Variants in C1QTNF1 observed in about 807,000 individuals in gnomAD.
The protein encoded by C1QTNF1 is C1q and TNF related 1, also known as complement C1q tumor necrosis factor-related protein 1.
A neutral mutation model predicts 27.8 loss-of-function variants in C1QTNF1; 22 were observed. That is an observed-to-expected ratio of 0.79 (90% CI 0.56 to 1.13). The LOEUF (loss-of-function observed/expected upper bound fraction) is 1.13, where lower values mean the gene tolerates loss of function less well. Ranked by LOEUF, C1QTNF1 falls within the 50% of genes most tolerant of loss-of-function variation. C1QTNF1 has a pLI of 0.00. For missense variants in C1QTNF1, 373 were observed against 380.2 expected (o/e 0.98, Z 0.16); for synonymous variants, 166 against 154.3 (o/e 1.08, Z -0.56).
In C1QTNF1 at chr17:79,047,518, C is replaced by T. The variant is rs1368836199; in HGVS notation, c.296-20C>T. 7 of 1,518,178 alleles carry T rather than the reference C, an allele frequency of 4.6e-6. No individual in the cohort carries two copies. The highest frequency in any genetic ancestry group is 2.3e-5 in the Admixed American group (1 of 44,378). 94.0% of individuals were successfully genotyped at this position (1,518,178 alleles called of 1,614,324 possible). On this transcript the variant is annotated intron_variant, in intron 3 of 3. Transcript: ENST00000579760. Reference sequence around the variant, plus strand: ...ACCGGATTGCTCCATTAACAGCACGCGTTTTCCCATCCCTTTTAGGGGAGA... The same window carrying T: ...ACCGGATTGCTCCATTAACAGCACGTGTTTTCCCATCCCTTTTAGGGGAGA...
At chr17:79,041,829 A>G (rs1448792786) in intron 1 of C1QTNF1, 1 of 151,568 alleles carries the variant, frequency 6.6e-6, no homozygotes, top group African/African-American at 2.4e-5. Context: ...AAAGCCCCCG[A>G]GCGACGGTGT....
chr17:79,029,871 A>G (rs867486397), intron 1 of C1QTNF1, among the ~76,000 whole-genome samples: 2 of 152,248 alleles, frequency 1.3e-5, no homozygotes, highest in African/African-American at 4.8e-5. Flanking sequence ...CAGGGACTCT[A>G]CTGCCCAAGG....
chr17:79,024,923 C>T lies in C1QTNF1; in HGVS notation c.-15+429C>T, dbSNP rs75159176. ...GCTGCACCTGGCGGGGATGCCCTCACCCCACTCCTTATCACTGGGACCACC... is the reference window on the plus strand; with the variant it reads ...GCTGCACCTGGCGGGGATGCCCTCATCCCACTCCTTATCACTGGGACCACC... On this transcript the variant is annotated intron_variant, in intron 1 of 3. Transcript: ENST00000579760. 1,166 of 152,670 alleles carry T rather than the reference C, an allele frequency of 7.6e-3. 45 individuals carry two copies. The East Asian group carries it at 0.12, about 16-fold the overall frequency. The allele number at this position is 152,670 out of a possible 1,614,324, so 9.5% of individuals were successfully genotyped here. A position where few individuals can be genotyped will look rare whatever the true frequency, so the allele number is the denominator to read the frequency against.
chr17:79,028,479 G>A (rs770337838), intron 1 of C1QTNF1, among the ~76,000 whole-genome samples: 3 of 152,198 alleles, frequency 2.0e-5, no homozygotes, highest in South Asian at 2.1e-4. Context: ...ACAGAGGTGT[G>A]TTCAGAAAAC....
intron 1 of C1QTNF1, among the ~76,000 whole-genome samples, chr17:79,030,590 T>TTTTTC (rs1182974904): frequency 2.0e-5 from 3 of 151,342 alleles, no homozygotes; most frequent in African/African-American, 7.3e-5. Flanking sequence ...CCTTCCTTTC[T>TTTTTC]TTTTCTTTTC....
chr17:79,031,881 A>G (rs576677308), intron 1 of C1QTNF1, among the ~76,000 whole-genome samples: 1 of 152,232 alleles, frequency 6.6e-6, no homozygotes, highest in Non-Finnish European at 1.5e-5. Flanking sequence ...AGATGGCTAC[A>G]TGGCCACACC....
chr17:79,047,884 C>G lies in C1QTNF1; in HGVS notation c.642C>G (p.Asn214Lys). ...AGACCTACCTGCACATCATGAAGAA[C>G]GAGGAGGAGGTGGTGATCTTGTTCG... ...QKETYLHIMK[N>K]EEEVVILFAQ... Residue 214 changes from asparagine (N) to lysine (K), a missense_variant, in exon 4 of 4, where the codon AAC (asparagine) becomes AAG (lysine). Transcript: ENST00000579760. 1 of 1,614,184 alleles carries G rather than the reference C, an allele frequency of 6.2e-7. No homozygotes were observed. Among genetic ancestry groups the G allele is most frequent in the Middle Eastern group, 1.6e-4 (1 of 6,062 alleles).
In C1QTNF1 at chr17:79,044,099, C is replaced by T. The variant is rs200542730; in HGVS notation, c.131C>T (p.Pro44Leu). ...GAGTGGGAGGGGACTGAGGAGCTGC[C>T]GTCGCCTCCGGACCATGCCGAGAGG... The part of the protein sequence containing the change: ...QQEWEGTEEL[P>L]SPPDHAERAE... The change falls in exon 2 of 4, where the codon CCG becomes CTG. Residue 44 changes from proline to leucine, a missense_variant. Transcript: ENST00000579760. 5.8e-5 allele frequency: 94 copies of T among 1,613,070 alleles called. No homozygotes were observed. Among genetic ancestry groups the T allele is most frequent in the East Asian group, 3.3e-4 (15 of 44,874 alleles).
chr17:79,040,326 G>C (rs904327549), intron 1 of C1QTNF1, among the ~76,000 whole-genome samples: 1 of 152,244 alleles, frequency 6.6e-6, no homozygotes, highest in Non-Finnish European at 1.5e-5. Context: ...TTAGCTGGGC[G>C]TGGTGGCGCA....
chr17:79,030,581 CT>C (rs200856484), intron 1 of C1QTNF1, among the ~76,000 whole-genome samples: 3,113 of 136,634 alleles, frequency 0.023, 97 homozygotes, highest in African/African-American at 0.08. Flanking sequence ...CTTTTCCTTC[CT>C]TCCTTTCTTT....
rs1447942164 is a variant in C1QTNF1, at chr17:79,048,204, C to T, written c.*116C>T. On this transcript the variant is annotated 3_prime_UTR_variant, in exon 4 of 4. Coordinates refer to ENST00000579760, the MANE Select transcript of C1QTNF1 (RefSeq NM_030968.5). Reference sequence around the variant, plus strand: ...CCTGGCTTTGGCATTCAGTGAGACGCCCTGCACACACAGAAAGCCAAAGCG... The same window carrying T: ...CCTGGCTTTGGCATTCAGTGAGACGTCCTGCACACACAGAAAGCCAAAGCG... 1 of 1,019,090 alleles carries T rather than the reference C, an allele frequency of 9.8e-7. No homozygotes were observed. Among genetic ancestry groups the T allele is most frequent in the African/African-American group, 1.6e-5 (1 of 61,470 alleles). 63.1% of individuals were successfully genotyped at this position (1,019,090 alleles called of 1,614,324 possible). A position where few individuals can be genotyped will look rare whatever the true frequency, so the allele number is the denominator to read the frequency against.
chr17:79,039,736 C>G (rs891898167), intron 1 of C1QTNF1, among the ~76,000 whole-genome samples: 2 of 151,652 alleles, frequency 1.3e-5, no homozygotes, highest in Admixed American at 6.6e-5. Flanking sequence ...TCCAAGGTAG[C>G]TTTTTAATGC....
chr17:79,043,281 T>A (rs900283858), intron 1 of C1QTNF1: 23 of 452,434 alleles, frequency 5.1e-5, no homozygotes, highest in African/African-American at 4.1e-4. Flanking sequence ...GTGTTGAGAG[T>A]GTGCATGTGA....
At chr17:79,037,032 G>A (rs919011726) in intron 1 of C1QTNF1, among the ~76,000 whole-genome samples, 3 of 152,224 alleles carry the variant, frequency 2.0e-5, no homozygotes, top group African/African-American at 2.4e-5. Flanking sequence ...TCAGAGGTCC[G>A]CTGTCAGCAC....
At chr17:79,033,669 G>A (rs557928473) in intron 1 of C1QTNF1, among the ~76,000 whole-genome samples, 2 of 152,072 alleles carry the variant, frequency 1.3e-5, no homozygotes, top group South Asian at 4.2e-4. Context: ...CTGTACCACT[G>A]CACTCCAGCC....
intron 1 of C1QTNF1, among the ~76,000 whole-genome samples, chr17:79,030,513 CTTTCTTTCTT>C (rs2072108727): frequency 7.9e-6 from 1 of 127,350 alleles, no homozygotes; most frequent in Admixed American, 7.7e-5. Context: ...TTCTTTCTTT[CTTTCTTTCTT>C]TCTTTCTTCT....
intron 1 of C1QTNF1, among the ~76,000 whole-genome samples, chr17:79,039,958 T>C (rs1466816792): frequency 1.3e-5 from 2 of 152,150 alleles, no homozygotes; most frequent in African/African-American, 4.8e-5. Context: ...AAAAACAGAA[T>C]AATTATTAAG....
upstream of C1QTNF1, among the ~76,000 whole-genome samples, chr17:79,023,737 C>CAG (rs1555668580): frequency 2.6e-4 from 37 of 144,606 alleles, no homozygotes; most frequent in Admixed American, 1.5e-3. Context: ...CACACACACA[C>CAG]AGTTTGGCAT....
intron 1 of C1QTNF1, among the ~76,000 whole-genome samples, chr17:79,027,913 TG>T (rs1191774902): frequency 6.6e-6 from 1 of 152,236 alleles, no homozygotes; most frequent in Non-Finnish European, 1.5e-5. Context: ...CAGTCCCCAC[TG>T]TACACCAGGG....
Sources: gnomAD v4.1 joint callset for allele counts (sites outside exome capture counted in the v4.1 genomes callset) on GRCh38, gnomAD v4.1.1 for gene constraint, MANE v1.5 for transcripts, NCBI Gene and HGNC (gene_info 2026-07-23, HGNC 2026-07-21) for gene names.